The following TEKT5 variants were observed in gnomAD, a reference collection of about 807,000 sequenced individuals.
The protein encoded by TEKT5 is tektin-5.
A neutral mutation model predicts 48.7 loss-of-function variants in TEKT5; 52 were observed. The ratio of observed to expected loss-of-function variants is 1.07; its 90% CI spans 0.86 to 1.35. TEKT5 has a LOEUF of 1.35. Ranked by LOEUF, TEKT5 falls within the 40% of genes most tolerant of loss-of-function variation. The pLI is 0.00. For synonymous variants in TEKT5, 318 were observed against 267.6 expected, an observed-to-expected ratio of 1.19 and a Z score of -1.84; for missense variants, 831 against 641.6, an observed-to-expected ratio of 1.30 and a Z score of -3.19.
chr16:10,652,869 A>ACACACACAC (rs1178174946), intron 5 of TEKT5, among the ~76,000 whole-genome samples: 3 of 88,960 alleles, frequency 3.4e-5, no homozygotes, highest in African/African-American at 1.7e-4. Context: ...ACACACACAC[A>ACACACACAC]CCCTCCAGGT....
rs569177243 is a variant in TEKT5, at chr16:10,644,866, T to C, written c.1087-8948A>G. Reference sequence around the variant, plus strand: ...TGTCTGTGTTCCCCCAAAATTCCTATATTGAAAGCTTAATCTGTCCCAGTG... The same window carrying C: ...TGTCTGTGTTCCCCCAAAATTCCTACATTGAAAGCTTAATCTGTCCCAGTG... On this transcript the variant is annotated intron_variant, in intron 5 of 6. Transcript: ENST00000283025. Among the ~76,000 whole-genome samples the C allele has an allele frequency of 5.3e-4, 81 of 152,308 alleles. No homozygotes were observed. In the South Asian group the frequency reaches 0.016, roughly 30 times the overall value.
chr16:10,675,078 A>G (rs1898620863), intron 5 of TEKT5, among the ~76,000 whole-genome samples: 1 of 152,128 alleles, frequency 6.6e-6, no homozygotes, highest in African/African-American at 2.4e-5. Context: ...TGCCCGCCTC[A>G]GCCTCCCAAA....
At chr16:10,676,280 T>A in intron 4 of TEKT5, 99 bp from the exon 5 acceptor site, 1 of 1,169,290 alleles carries the variant, frequency 8.6e-7, no homozygotes, top group South Asian at 1.4e-5. Context: ...GGGATTATTC[T>A]CTGTCCTGTG....
At chr16:10,691,562 A>C (rs1176049606) in intron 1 of TEKT5, among the ~76,000 whole-genome samples, 2 of 152,158 alleles carry the variant, frequency 1.3e-5, no homozygotes, top group African/African-American at 4.8e-5. Context: ...ACAGACAGGA[A>C]GCCATTGGCC....
At position 10,643,969 on chromosome 16, in the gene TEKT5, G is replaced by C. The variant is rs555656394; in HGVS notation, c.1087-8051C>G. Among the ~76,000 whole-genome samples, 6 of 152,292 alleles carry C rather than the reference G, an allele frequency of 3.9e-5. 1 individual carries two copies. In the Middle Eastern group the frequency reaches 0.014, roughly 345 times the overall value. On this transcript the variant is annotated intron_variant, in intron 5 of 6. Transcript: ENST00000283025. ...AGGCAGGAGAATTGCTTGAACCCGGGAGGAGGAGGTTGCAGTGAACCGAGG... is the reference window on the plus strand; with the variant it reads ...AGGCAGGAGAATTGCTTGAACCCGGCAGGAGGAGGTTGCAGTGAACCGAGG...
intron 5 of TEKT5, among the ~76,000 whole-genome samples, chr16:10,670,924 A>T (rs1460472180): frequency 2.0e-5 from 3 of 151,860 alleles, no homozygotes; most frequent in Non-Finnish European, 4.4e-5. Flanking sequence ...AATTTTTTAG[A>T]GACAATGTCT....
chr16:10,633,337 G>A (rs1015689215), intron 6 of TEKT5, among the ~76,000 whole-genome samples: 2 of 152,040 alleles, frequency 1.3e-5, no homozygotes. Flanking sequence ...CTCCAGCCTG[G>A]GCAACAGAGC....
At position 10,677,624 on chromosome 16, in the gene TEKT5, A is replaced by C. The variant is rs1216399186; in HGVS notation, c.864-1443T>G. On this transcript the variant is annotated intron_variant, in intron 4 of 6. Transcript: ENST00000283025. ...ACCCTGTCCCCCCCAACAAAAAAAT[A>C]AAAAGAAAATGCATGAAGCTGTCAC... Among the ~76,000 whole-genome samples the C allele has an allele frequency of 1.1e-4, 15 of 132,436 alleles. 3 individuals are homozygous for C. Among genetic ancestry groups the C allele is most frequent in the African/African-American group, 4.3e-4 (12 of 28,180 alleles). The allele number at this position is 132,436 out of a possible 152,430, so 86.9% of individuals were successfully genotyped here.
chr16:10,629,827 C>G (rs898406766), intron 6 of TEKT5, among the ~76,000 whole-genome samples: 1 of 152,256 alleles, frequency 6.6e-6, no homozygotes, highest in African/African-American at 2.4e-5. Flanking sequence ...TGATGCACTT[C>G]AAGGTCTGGC....
At chr16:10,689,428 C>A in intron 2 of TEKT5, 105 bp from the exon 3 acceptor site, 1 of 984,290 alleles carries the variant, frequency 1.0e-6, no homozygotes, top group Non-Finnish European at 1.5e-6. Context: ...TGACCACCCT[C>A]GACCCCAGGA....
intron 1 of TEKT5, chr16:10,690,599 G>A (rs1898954541): frequency 1.0e-6 from 1 of 985,376 alleles, no homozygotes; most frequent in Non-Finnish European, 1.2e-6. Context: ...AATATTACCT[G>A]TGAATATGCA....
chr16:10,678,177 CA>C (rs1898681785), intron 4 of TEKT5, among the ~76,000 whole-genome samples: 1 of 152,200 alleles, frequency 6.6e-6, no homozygotes. Context: ...CGGCTCACTG[CA>C]ACCTCTGTCT....
At chr16:10,685,230 C>T (rs944052901) in intron 3 of TEKT5, among the ~76,000 whole-genome samples, 2 of 152,160 alleles carry the variant, frequency 1.3e-5, no homozygotes, top group Non-Finnish European at 2.9e-5. Context: ...TCTCTCTCTC[C>T]TGCTGTCTGC....
intron 5 of TEKT5, among the ~76,000 whole-genome samples, chr16:10,642,497 G>T (rs1208784506): frequency 6.6e-6 from 1 of 151,800 alleles, no homozygotes; most frequent in Non-Finnish European, 1.5e-5. Context: ...TCCTGCCCAC[G>T]TTTCTCCCCC....
chr16:10,632,090 G>T (rs557582339), intron 6 of TEKT5, among the ~76,000 whole-genome samples: 9 of 152,242 alleles, frequency 5.9e-5, no homozygotes, highest in Admixed American at 5.9e-4. Flanking sequence ...GGAAGCCTGG[G>T]CTAGAGAGAA....
At position 10,658,540 on chromosome 16, in the gene TEKT5, C is replaced by G. The variant is rs1596408636; in HGVS notation, c.1086+17419G>C. On this transcript the variant is annotated intron_variant, in intron 5 of 6. Transcript: ENST00000283025. The stretch of plus-strand genomic sequence containing the variant: ...TATCAATATGAATTTCAAGACCAGG[C>G]AAATCTAACGGCTGGTGATAGAAGT... Among the ~76,000 whole-genome samples, 3 of 152,006 alleles carry G rather than the reference C, an allele frequency of 2.0e-5. 1 individual carries two copies. Among genetic ancestry groups the G allele is most frequent in the Non-Finnish European group, 4.4e-5 (3 of 67,984 alleles).
rs1480207652 is a variant in TEKT5 at position 10,694,424 on chromosome 16, G to A, written c.450C>T (p.Phe150=). ...NLGQRLSDIG[F]WKSELSYELD... is the part of the protein sequence containing the mutation. ...GCTCATAGCTCAGCTCTGACTTCCA[G>A]AAGCCAATGTCCGACAGCCTCTGGC... Residue 150 remains phenylalanine (F), a synonymous_variant, in exon 1 of 7, where the codon TTC becomes TTT. Transcript: ENST00000283025. The A allele has an allele frequency of 2.5e-6, 4 of 1,614,064 alleles. No homozygotes were observed. Among genetic ancestry groups the A allele is most frequent in the Admixed American group, 1.7e-5 (1 of 60,004 alleles).
At chr16:10,647,205 GA>G (rs1898082943) in intron 5 of TEKT5, among the ~76,000 whole-genome samples, 1 of 151,972 alleles carries the variant, frequency 6.6e-6, no homozygotes, top group African/African-American at 2.4e-5. Flanking sequence ...CGCGGTGGCT[GA>G]CAACTGTGGT....
chr16:10,651,454 C>T (rs1311018137), intron 5 of TEKT5, among the ~76,000 whole-genome samples: 1 of 152,132 alleles, frequency 6.6e-6, no homozygotes, highest in Non-Finnish European at 1.5e-5. Context: ...TGTTTTGCTC[C>T]CTTCTGAATT....
Sources: allele counts gnomAD v4.1 joint callset (sites outside exome capture counted in the v4.1 genomes callset), GRCh38; gene constraint gnomAD v4.1.1; transcripts MANE v1.5; gene names NCBI Gene and HGNC (gene_info 2026-07-23, HGNC 2026-07-21).